FAAH2: variants seen among roughly 807,000 people sequenced by gnomAD.
FAAH2 encodes the protein fatty acid amide hydrolase 2, also known as fatty-acid amide hydrolase 2.
FAAH2 carries 60 observed loss-of-function variants against 36.9 expected under a neutral mutation model. That is an observed-to-expected ratio of 1.63 (90% CI 1.32 to 2.02). The LOEUF is 2.02. Ranked by LOEUF, FAAH2 falls within the 30% of genes most tolerant of loss-of-function variation. The pLI, the probability that FAAH2 is intolerant of heterozygous loss-of-function variation, is 0.00. For synonymous variants in FAAH2, 214 were observed against 143.8 expected, an observed-to-expected ratio of 1.49 and a Z score of -3.49; for missense variants, 689 against 397.5, an observed-to-expected ratio of 1.73 and a Z score of -6.23.
intron 7 of FAAH2, among the ~76,000 whole-genome samples, chrX:57,396,170 T>C (rs1398737305): frequency 9.0e-6 from 1 of 111,569 alleles, no homozygotes; most frequent in African/African-American, 3.3e-5. Flanking sequence ...ATATTGGTTG[T>C]AATGTCAACA....
At chrX:57,366,812 G>A (rs2054429433) in intron 5 of FAAH2, among the ~76,000 whole-genome samples, 1 of 112,353 alleles carries the variant, frequency 8.9e-6, no homozygotes, top group South Asian at 3.7e-4. Flanking sequence ...GCAGATAAGG[G>A]GGAGCTCAGA....
At chrX:57,335,152 C>T (rs1303549009) in intron 4 of FAAH2, among the ~76,000 whole-genome samples, 1 of 110,764 alleles carries the variant, frequency 9.0e-6, no homozygotes, top group African/African-American at 3.3e-5. Context: ...CAAACAGTCT[C>T]TCAGATTACA....
At chrX:57,460,823 G>T (rs1308604226) in intron 10 of FAAH2, among the ~76,000 whole-genome samples, 1 of 111,648 alleles carries the variant, frequency 9.0e-6, no homozygotes, top group Non-Finnish European at 1.9e-5. Flanking sequence ...AATGTAAATG[G>T]GCTAAATGCC....
At chrX:57,436,458 G>C (rs2056413239) in intron 8 of FAAH2, among the ~76,000 whole-genome samples, 1 of 108,619 alleles carries the variant, frequency 9.2e-6, no homozygotes, top group East Asian at 2.9e-4. Flanking sequence ...TCTTAAAAAA[G>C]GTAAACAAAA....
intron 3 of FAAH2, among the ~76,000 whole-genome samples, chrX:57,328,322 A>G (rs1301679285): frequency 1.8e-5 from 2 of 111,836 alleles, no homozygotes; most frequent in African/African-American, 6.5e-5. Context: ...CCATTCTCAG[A>G]TCTCAAGCTG....
chrX:57,206,399 A>C, the FAAH2 span, among the ~76,000 whole-genome samples: 3 of 112,115 alleles, frequency 2.7e-5, no homozygotes, highest in Non-Finnish European at 5.6e-5. Context: ...TTTTATCAGG[A>C]GCTATAATTA....
intron 7 of FAAH2, chrX:57,394,210 A>C: frequency 1.5e-6 from 1 of 661,336 alleles, no homozygotes; most frequent in Non-Finnish European, 2.5e-6. Flanking sequence ...GGCCCTGAGA[A>C]GGCTGTCGCA....
chrX:57,288,000 C>A (rs1167119983), intron 1 of FAAH2, among the ~76,000 whole-genome samples: 1 of 111,412 alleles, frequency 9.0e-6, no homozygotes, highest in African/African-American at 3.3e-5. Flanking sequence ...CTCATGCATG[C>A]TTTTCTACCA....
rs765906890 is a variant in FAAH2 at position 57,362,137 on chromosome X, T to C, written c.743-16514T>C. 8.1e-5 allele frequency among the ~76,000 whole-genome samples: 9 copies of C among 111,203 alleles called. No homozygotes were observed. The South Asian group carries it at 1.5e-3, about 19-fold the overall frequency. On this transcript the variant is annotated intron_variant, in intron 5 of 10. Transcript: ENST00000374900. The stretch of plus-strand genomic sequence containing the variant: ...TTTTAAGAACAGGGGATAAAGAAAA[T>C]GTGGCACATATACATCATGGAATAC...
chrX:57,156,423 T>A, the FAAH2 span, among the ~76,000 whole-genome samples: 1 of 112,066 alleles, frequency 8.9e-6, no homozygotes, highest in East Asian at 2.8e-4. Flanking sequence ...GTCTCCTGGA[T>A]GTTCTTAATG....
the FAAH2 span, among the ~76,000 whole-genome samples, chrX:57,272,055 C>A: frequency 3.7e-5 from 4 of 108,513 alleles, no homozygotes; most frequent in African/African-American, 6.7e-5. Flanking sequence ...TAGAGAAGAA[C>A]ATATATGATC....
At chrX:57,339,922 G>A (rs2053645210) in intron 4 of FAAH2, among the ~76,000 whole-genome samples, 1 of 111,465 alleles carries the variant, frequency 9.0e-6, no homozygotes. Context: ...GTTCTCTAGA[G>A]GGACAGAACT....
At chrX:57,434,131 C>T (rs1204313381) in intron 8 of FAAH2, among the ~76,000 whole-genome samples, 3 of 101,465 alleles carry the variant, frequency 3.0e-5, no homozygotes, top group Non-Finnish European at 5.9e-5. Context: ...GTTGCCTAGG[C>T]TAGATTGCAG....
At chrX:57,208,898 T>A in the FAAH2 span, among the ~76,000 whole-genome samples, 1 of 112,056 alleles carries the variant, frequency 8.9e-6, no homozygotes, top group African/African-American at 3.2e-5. Context: ...CCACCCTGGG[T>A]GTGCCATGTG....
chrX:57,263,955 T>C, the FAAH2 span, among the ~76,000 whole-genome samples: 1 of 111,765 alleles, frequency 8.9e-6, no homozygotes, highest in Non-Finnish European at 1.9e-5. Context: ...AAAGAGTCTT[T>C]TAAACACATG....
intron 7 of FAAH2, among the ~76,000 whole-genome samples, chrX:57,410,826 A>G (rs571412836): frequency 1.8e-5 from 2 of 110,655 alleles, no homozygotes; most frequent in Middle Eastern, 4.6e-3. Context: ...TTTGTGTATC[A>G]TTTTCCTGAA....
At chrX:57,480,147 G>A (rs903836936) in intron 10 of FAAH2, among the ~76,000 whole-genome samples, 1 of 110,922 alleles carries the variant, frequency 9.0e-6, no homozygotes, top group South Asian at 3.8e-4. Flanking sequence ...AAGAGTCCTG[G>A]ACCAGATGGT....
the FAAH2 span, among the ~76,000 whole-genome samples, chrX:57,122,988 T>C: frequency 3.6e-5 from 4 of 112,076 alleles, no homozygotes; most frequent in East Asian, 1.1e-3. Context: ...GAGGGCTTTT[T>C]ATTTTATTTT....
chrX:57,341,158 C>G (rs2053676308), intron 4 of FAAH2, 113 bp from the exon 5 acceptor site: 1 of 724,846 alleles, frequency 1.4e-6, no homozygotes, highest in Admixed American at 4.0e-5. Flanking sequence ...GAACAAAAGA[C>G]TCACTTTGGA....
Sources: allele counts gnomAD v4.1 joint callset (sites outside exome capture counted in the v4.1 genomes callset), GRCh38; gene constraint gnomAD v4.1.1; transcripts MANE v1.5; gene names NCBI Gene and HGNC (gene_info 2026-07-23, HGNC 2026-07-21).